Variants in GALNT10 observed in about 807,000 individuals in gnomAD.
The protein encoded by GALNT10 is GalNAc transferase 10.
A neutral mutation model predicts 75.0 loss-of-function variants in GALNT10; 41 were observed. The ratio of observed to expected loss-of-function variants is 0.55; its 90% CI spans 0.43 to 0.71. The LOEUF (loss-of-function observed/expected upper bound fraction) is 0.71, where lower values mean the gene tolerates loss of function less well. GALNT10 is among the 30% of genes least tolerant of loss of function. The pLI, the probability that GALNT10 is intolerant of heterozygous loss-of-function variation, is 0.00. For synonymous variants in GALNT10, 302 were observed against 313.0 expected (o/e 0.96, Z 0.37); for missense variants, 727 against 818.5 (o/e 0.89, Z 1.36).
chr5:154,223,010 C>T (rs1034100753), intron 1 of GALNT10, among the ~76,000 whole-genome samples: 19 of 152,126 alleles, frequency 1.2e-4, no homozygotes, highest in African/African-American at 3.9e-4. Context: ...TTAAGAATCC[C>T]GTGGAACCTG....
intron 1 of GALNT10, chr5:154,220,439 G>C (rs1016541396): frequency 6.6e-6 from 1 of 152,156 alleles, no homozygotes; most frequent in Non-Finnish European, 1.5e-5. Context: ...GGACACCAAG[G>C]GATCAGGAAA....
chr5:154,356,697 C>T (rs145180574), intron 4 of GALNT10, among the ~76,000 whole-genome samples: 1 of 152,202 alleles, frequency 6.6e-6, no homozygotes, highest in Admixed American at 6.5e-5. Context: ...GGGCTGCACT[C>T]CAGGGCTCCA....
chr5:154,224,854 C>T (rs943127923), intron 1 of GALNT10, among the ~76,000 whole-genome samples: 3 of 148,260 alleles, frequency 2.0e-5, no homozygotes, highest in East Asian at 2.0e-4. Context: ...GATCTCGGCT[C>T]GCTGCAACCT....
At chr5:154,241,299 A>G (rs1375683744) in intron 1 of GALNT10, among the ~76,000 whole-genome samples, 1 of 152,184 alleles carries the variant, frequency 6.6e-6, no homozygotes, top group African/African-American at 2.4e-5. Context: ...TAGCCAGTTC[A>G]GAGTCACTGA....
At position 154,352,495 on chromosome 5, in the gene GALNT10, T is replaced by C. The variant is rs1321813440; in HGVS notation, c.568+22757T>C. Among the ~76,000 whole-genome samples the C allele has an allele frequency of 1.3e-5, 2 of 152,214 alleles. No homozygotes were observed. The highest frequency in any genetic ancestry group is 2.9e-5 in the Non-Finnish European group (2 of 68,034). Reference sequence around the variant, plus strand: ...AGGGAGGTATAATATTATCCCCATTTTGCCCATGAAAACCCTGCAGCTGGG... The same window carrying C: ...AGGGAGGTATAATATTATCCCCATTCTGCCCATGAAAACCCTGCAGCTGGG... On this transcript the variant is annotated intron_variant, in intron 4 of 11. Transcript: ENST00000297107. This position sits in a 1 kb window ranked among gnomAD's most constrained non-coding sequence, Gnocchi z 4.4.
At chr5:154,398,225 A>G (rs1756087651) in intron 7 of GALNT10, among the ~76,000 whole-genome samples, 1 of 152,188 alleles carries the variant, frequency 6.6e-6, no homozygotes, top group Non-Finnish European at 1.5e-5. Context: ...GCAGCAAGGG[A>G]CCCAGAGCAG....
At chr5:154,338,019 A>T in intron 4 of GALNT10, 1 of 1,521,864 alleles carries the variant, frequency 6.6e-7, no homozygotes, top group Non-Finnish European at 9.0e-7. Flanking sequence ...TCGATCAGTC[A>T]TGATTGCAAT....
At chr5:154,318,492 T>C (rs1350735455) in intron 3 of GALNT10, among the ~76,000 whole-genome samples, 1 of 152,184 alleles carries the variant, frequency 6.6e-6, no homozygotes, top group African/African-American at 2.4e-5. Flanking sequence ...CTGGACTTCA[T>C]TCCTTGCCAG....
intron 1 of GALNT10, among the ~76,000 whole-genome samples, chr5:154,283,722 TC>T (rs1369627179): frequency 6.6e-6 from 1 of 152,016 alleles, no homozygotes; most frequent in Non-Finnish European, 1.5e-5. Context: ...ACATGTTGCT[TC>T]CCCATGCCCC....
At chr5:154,249,714 C>T (rs1753485784) in intron 1 of GALNT10, among the ~76,000 whole-genome samples, 1 of 152,136 alleles carries the variant, frequency 6.6e-6, no homozygotes, top group Non-Finnish European at 1.5e-5. Flanking sequence ...CCCCATGTCA[C>T]AGGAGTCTAC....
Position 154,412,741 on chromosome 5 carries a change from TC to T in GALNT10, c.1387-146del. ...CCTTCATTGAGAGGCTCAAGGTACTTCCAACAGCCCAGGGCAAGCTTTATCA... is the reference window on the plus strand; with the variant it reads ...CCTTCATTGAGAGGCTCAAGGTACTTCAACAGCCCAGGGCAAGCTTTATCA... On this transcript the variant is annotated intron_variant, in intron 9 of 11. Coordinates refer to ENST00000297107, the MANE Select transcript of GALNT10 (RefSeq NM_198321.4). This position sits in a 1 kb window ranked among gnomAD's most constrained non-coding sequence, Gnocchi z 4.2. 1.4e-6 allele frequency: 1 copy of T among 700,594 alleles called. No homozygotes were observed. Among genetic ancestry groups the T allele is most frequent in the Non-Finnish European group, 2.6e-6 (1 of 386,972 alleles). The allele number at this position is 700,594 out of a possible 1,614,324, so 43.4% of individuals were successfully genotyped here. A position where few individuals can be genotyped will look rare whatever the true frequency, so the allele number is the denominator to read the frequency against.
chr5:154,243,043 C>T (rs142504632), intron 1 of GALNT10, among the ~76,000 whole-genome samples: 1 of 152,214 alleles, frequency 6.6e-6, no homozygotes, highest in Non-Finnish European at 1.5e-5. Flanking sequence ...TATAGCTCTG[C>T]CACTTACTAG....
intron 5 of GALNT10, among the ~76,000 whole-genome samples, chr5:154,377,516 A>G (rs1755671471): frequency 6.6e-6 from 1 of 152,234 alleles, no homozygotes. Flanking sequence ...CTGATCCAGG[A>G]GGCCCGGGGT....
In GALNT10 at chr5:154,310,737, G is replaced by A. The variant is rs193109036; in HGVS notation, c.401+12658G>A. On this transcript the variant is annotated intron_variant, in intron 3 of 11. Coordinates refer to ENST00000297107, the MANE Select transcript of GALNT10 (RefSeq NM_198321.4). ...TCCGCCCACCTCAGCCTCCCAAAGT[G>A]CTGGGATTACAGGCGTGAGCCACCG... Among the ~76,000 whole-genome samples the A allele has an allele frequency of 4.5e-3, 685 of 152,268 alleles. 2 individuals are homozygous for A. The highest frequency in any genetic ancestry group is 6.8e-3 in the Non-Finnish European group (462 of 68,026).
At position 154,416,850 on chromosome 5, in the gene GALNT10, A is replaced by G; in HGVS notation, c.1690A>G (p.Met564Val). The change falls in exon 12 of 12, where the codon ATG becomes GTG. Residue 564 changes from methionine to valine, a missense_variant. Physicochemically the swap from Met to Val is conservative, Grantham distance 21. Coordinates refer to ENST00000297107, the MANE Select transcript of GALNT10 (RefSeq NM_198321.4). The surrounding 1 kb of genome is among the most constrained non-coding windows in gnomAD (Gnocchi z 4.5). ...TLYHPVSGSC[M>V]DCSESDHRIF... ...GTACCACCCTGTCAGTGGCAGCTGC[A>G]TGGACTGCAGTGAAAGTGACCATAG... 6.2e-7 allele frequency: 1 copy of G among 1,613,464 alleles called. No individual in the cohort carries two copies. Among genetic ancestry groups the G allele is most frequent in the South Asian group, 1.1e-5 (1 of 91,070 alleles).
intron 6 of GALNT10, among the ~76,000 whole-genome samples, chr5:154,383,411 C>T (rs1030673099): frequency 7.9e-5 from 12 of 152,272 alleles, no homozygotes; most frequent in East Asian, 7.7e-4. Context: ...CAAATATCTC[C>T]GTCTGTAAAG....
intron 4 of GALNT10, among the ~76,000 whole-genome samples, chr5:154,367,857 C>CA (rs71577134): frequency 0.065 from 4,958 of 76,858 alleles, 118 homozygotes; most frequent in Middle Eastern, 0.16. Flanking sequence ...GACTCCGTCT[C>CA]AAAAAAAAAA....
chr5:154,280,994 C>G (rs1754031508), intron 1 of GALNT10, among the ~76,000 whole-genome samples: 1 of 152,220 alleles, frequency 6.6e-6, no homozygotes, highest in South Asian at 2.1e-4. Flanking sequence ...TAGGGCCACT[C>G]TCTGTTGGTC....
At chr5:154,313,901 T>A (rs992579228) in intron 3 of GALNT10, among the ~76,000 whole-genome samples, 2 of 152,196 alleles carry the variant, frequency 1.3e-5, no homozygotes, top group Non-Finnish European at 2.9e-5. Context: ...TTTCTGCCTC[T>A]TATTCTGGTG....
Sources: gnomAD v4.1 joint callset for allele counts (sites outside exome capture counted in the v4.1 genomes callset) on GRCh38, gnomAD v4.1.1 for gene constraint, Gnocchi (gnomAD v3.1) non-coding constraint, MANE v1.5 for transcripts, NCBI Gene and HGNC (gene_info 2026-07-23, HGNC 2026-07-21) for gene names.